The following MCTP2 variants were observed in gnomAD, a reference collection of about 807,000 sequenced individuals.
MCTP2 encodes the protein multiple C2 and transmembrane domain-containing protein 2.
MCTP2 carries 132 observed loss-of-function variants against 111.6 expected under a neutral mutation model. The observed-to-expected ratio is 1.18, with a 90% confidence interval of 1.03 to 1.37. MCTP2 has a LOEUF of 1.37. MCTP2 is among the 40% of genes most tolerant of loss of function. The pLI, the probability that MCTP2 is intolerant of heterozygous loss-of-function variation, is 0.00. For missense variants in MCTP2, 1,183 were observed against 1,067.9 expected (o/e 1.11, Z -1.50); for synonymous variants, 395 against 387.7 (o/e 1.02, Z -0.22).
At chr15:94,278,307 A>G (rs2074314723) in intron 1 of MCTP2, 1 of 152,156 alleles carries the variant, frequency 6.6e-6, no homozygotes, top group African/African-American at 2.4e-5. Context: ...TGACACAGGT[A>G]TAGATAACCA....
intron 1 of MCTP2, among the ~76,000 whole-genome samples, chr15:94,244,247 C>CACTT (rs2071507809): frequency 8.2e-5 from 11 of 133,774 alleles, no homozygotes; most frequent in Non-Finnish European, 1.6e-5. Context: ...CACGTGTATA[C>CACTT]ACATATGTGT....
At chr15:94,333,463 A>T (rs1308910434) in intron 4 of MCTP2, among the ~76,000 whole-genome samples, 1 of 151,952 alleles carries the variant, frequency 6.6e-6, no homozygotes, top group Non-Finnish European at 1.5e-5. Flanking sequence ...AGCAAAGAGA[A>T]GTTGTTTGTA....
At chr15:94,254,238 G>A (rs1023935855) in intron 1 of MCTP2, among the ~76,000 whole-genome samples, 1 of 152,044 alleles carries the variant, frequency 6.6e-6, no homozygotes, top group East Asian at 1.9e-4. Flanking sequence ...ATTATACAGT[G>A]TCTCTTCAGG....
chr15:94,443,993 A>AAC (rs1555476103), intron 19 of MCTP2, among the ~76,000 whole-genome samples: 1 of 149,388 alleles, frequency 6.7e-6, no homozygotes, highest in Non-Finnish European at 1.5e-5. Flanking sequence ...AAAAAAAAAA[A>AAC]AAAAAAAAAA....
At chr15:94,450,311 G>A (rs976353974) in intron 19 of MCTP2, among the ~76,000 whole-genome samples, 4 of 152,238 alleles carry the variant, frequency 2.6e-5, no homozygotes, top group South Asian at 4.1e-4. Flanking sequence ...CATTTTAATA[G>A]CACGAGCTGT....
chr15:94,244,949 C>G (rs892070187), intron 1 of MCTP2, among the ~76,000 whole-genome samples: 2 of 116,456 alleles, frequency 1.7e-5, no homozygotes, highest in Admixed American at 8.4e-5. Flanking sequence ...TACATATGCA[C>G]CTGTTTATAT....
chr15:94,245,202 ATATT>A (rs201633908), intron 1 of MCTP2, among the ~76,000 whole-genome samples: 2,974 of 143,524 alleles, frequency 0.021, 56 homozygotes, highest in Non-Finnish European at 0.031. Flanking sequence ...ATGTATGTAT[ATATT>A]TATACATATG....
chr15:94,315,403 G>A lies in MCTP2; in HGVS notation c.529-126G>A, dbSNP rs193139873. On this transcript the variant is annotated intron_variant, in intron 3 of 22. Transcript: ENST00000357742. ...AACCAAGTTGTCATAGTGAGGAGGA[G>A]TTGGGGATGACAGTCGATCATCATA... The A allele has an allele frequency of 1.6e-5, 10 of 641,344 alleles. No individual in the cohort carries two copies. The East Asian group carries it at 2.2e-4, about 14-fold the overall frequency. 39.7% of individuals were successfully genotyped at this position (641,344 alleles called of 1,614,324 possible). A position where few individuals can be genotyped will look rare whatever the true frequency, so the allele number is the denominator to read the frequency against.
intron 14 of MCTP2, among the ~76,000 whole-genome samples, chr15:94,387,800 C>CT (rs901907425): frequency 6.6e-6 from 1 of 152,144 alleles, no homozygotes; most frequent in African/African-American, 2.4e-5. Context: ...GGGAAGGGCA[C>CT]TTTTTTCCAG....
At chr15:94,282,255 TTCTTTA>T (rs1427836647) in intron 1 of MCTP2, among the ~76,000 whole-genome samples, 4 of 152,244 alleles carry the variant, frequency 2.6e-5, no homozygotes, top group Non-Finnish European at 4.4e-5. Flanking sequence ...AAATTCTCTT[TTCTTTA>T]TCTTTGTCTG....
At chr15:94,458,493 T>A (rs1427777054) in intron 20 of MCTP2, among the ~76,000 whole-genome samples, 1 of 152,186 alleles carries the variant, frequency 6.6e-6, no homozygotes, top group African/African-American at 2.4e-5. Flanking sequence ...ATTACTAGTG[T>A]TCCCTTTCAC....
At chr15:94,300,669 A>G (rs1306222539) in intron 2 of MCTP2, among the ~76,000 whole-genome samples, 1 of 152,138 alleles carries the variant, frequency 6.6e-6, no homozygotes, top group Non-Finnish European at 1.5e-5. Context: ...TCTTACAAGC[A>G]GAGCATAAGA....
chr15:94,236,769 T>C (rs1021043417), intron 1 of MCTP2, among the ~76,000 whole-genome samples: 6 of 152,188 alleles, frequency 3.9e-5, no homozygotes, highest in African/African-American at 1.4e-4. Flanking sequence ...TGCAATGTTA[T>C]GGGAGAACAG....
chr15:94,411,629 G>A (rs1341500622), intron 17 of MCTP2, among the ~76,000 whole-genome samples: 1 of 152,152 alleles, frequency 6.6e-6, no homozygotes, highest in Non-Finnish European at 1.5e-5. Context: ...TTATGATTTA[G>A]AAAGGTGTGT....
chr15:94,475,065 A>G (rs2074245567), intron 21 of MCTP2, among the ~76,000 whole-genome samples: 1 of 152,214 alleles, frequency 6.6e-6, no homozygotes, highest in African/African-American at 2.4e-5. Context: ...TAGAAGATAT[A>G]TCTGTTCTCA....
chr15:94,252,978 G>T (rs1482437526), intron 1 of MCTP2, among the ~76,000 whole-genome samples: 1 of 151,980 alleles, frequency 6.6e-6, no homozygotes, highest in African/African-American at 2.4e-5. Flanking sequence ...TTACAGCCTG[G>T]CTTCTGTGTC....
intron 17 of MCTP2, among the ~76,000 whole-genome samples, chr15:94,434,682 A>G (rs957836498): frequency 6.6e-6 from 1 of 151,852 alleles, no homozygotes; most frequent in Non-Finnish European, 1.5e-5. Flanking sequence ...TTTTATGTGG[A>G]TCTATTTCTG....
Position 94,454,068 on chromosome 15 carries a change from G to C in MCTP2, c.2251-4069G>C, listed in dbSNP as rs185888857. Among the ~76,000 whole-genome samples, 7 of 152,230 alleles carry C rather than the reference G, an allele frequency of 4.6e-5. No individual in the cohort carries two copies. The East Asian group carries it at 1.3e-3, about 29-fold the overall frequency. ...GCTGTTAATCTTCCTGCCAAAGGAT[G>C]CAAACACAATATCAGAGAACTTTGT... On this transcript the variant is annotated intron_variant, in intron 19 of 22. Transcript: ENST00000357742.
chr15:94,447,950 C>A (rs1291255760), intron 19 of MCTP2, among the ~76,000 whole-genome samples: 1 of 152,104 alleles, frequency 6.6e-6, no homozygotes, highest in Non-Finnish European at 1.5e-5. Flanking sequence ...AATTTAAGTC[C>A]TTTTAATTTG....
Sources: gnomAD v4.1 joint callset for allele counts (sites outside exome capture counted in the v4.1 genomes callset) on GRCh38, gnomAD v4.1.1 for gene constraint, MANE v1.5 for transcripts, NCBI Gene and HGNC (gene_info 2026-07-23, HGNC 2026-07-21) for gene names.